ADRB1: variants seen among roughly 807,000 people sequenced by gnomAD.
ADRB1 encodes the protein adrenoceptor beta 1, also known as beta-1 adrenergic receptor.
For missense variants in ADRB1, 635 were observed against 709.1 expected (o/e 0.90, Z 1.19); for synonymous variants, 365 against 347.2 (o/e 1.05, Z -0.57).
At position 114,045,469 on chromosome 10, in the gene ADRB1, A is replaced by C; in HGVS notation, c.1337A>C (p.Glu446Ala). The C allele has an allele frequency of 1.6e-6, 2 of 1,262,894 alleles. No individual in the cohort carries two copies. Among genetic ancestry groups the C allele is most frequent in the South Asian group, 6.6e-5 (2 of 30,236 alleles). 78.2% of individuals were successfully genotyped at this position (1,262,894 alleles called of 1,614,324 possible). A position where few individuals can be genotyped will look rare whatever the true frequency, so the allele number is the denominator to read the frequency against. Residue 446 changes from glutamate (E) to alanine (A), a missense_variant, in exon 1 of 1, where the codon GAG becomes GCG. Glu to Ala is a moderately radical substitution (Grantham distance 107). Coordinates refer to ENST00000369295, the MANE Select transcript of ADRB1 (RefSeq NM_000684.3). ...VGATPPARLL[E>A]PWAGCNGGAA... Reference sequence around the variant, plus strand: ...GCCACGCCGCCCGCGCGCCTGCTGGAGCCCTGGGCCGGCTGCAACGGCGGG... The same window carrying C: ...GCCACGCCGCCCGCGCGCCTGCTGGCGCCCTGGGCCGGCTGCAACGGCGGG...
Position 114,044,926 on chromosome 10 carries a change from TC to T in ADRB1, c.796del (p.Leu266SerfsTer81). The T allele has an allele frequency of 6.4e-7, 1 of 1,572,534 alleles. No homozygotes were observed. Among genetic ancestry groups the T allele is most frequent in the Non-Finnish European group, 8.6e-7 (1 of 1,158,244 alleles). ...VKKIDSCERR[F>X]LGGPARPPSP... ...AAGATCGACAGCTGCGAGCGCCGTTTCCTCGGCGGCCCAGCGCGGCCGCCCT... is the reference window on the plus strand; with the variant it reads ...AAGATCGACAGCTGCGAGCGCCGTTTCTCGGCGGCCCAGCGCGGCCGCCCT... On this transcript the variant is annotated frameshift_variant, in exon 1 of 1. Coordinates refer to ENST00000369295, the MANE Select transcript of ADRB1 (RefSeq NM_000684.3). LOFTEE classifies it low-confidence loss of function (END_TRUNC). The surrounding 1 kb of genome is among the most constrained non-coding windows in gnomAD (Gnocchi z 7.8).
rs746407681 is a variant in ADRB1 at position 114,045,347 on chromosome 10, C to T, written c.1215C>T (p.His405=). Residue 405 remains histidine, a synonymous_variant, in exon 1 of 1, where the codon CAC becomes CAT. Transcript: ENST00000369295. ...RRAARRRHAT[H]GDRPRASGCL... ...CTGCCCGCCGGCGCCACGCGACCCA[C>T]GGAGACCGGCCGCGCGCCTCGGGCT... 6 of 1,477,008 alleles carry T rather than the reference C, an allele frequency of 4.1e-6. No homozygotes were observed. The African/African-American group carries it at 8.7e-5, about 21-fold the overall frequency. 91.5% of individuals were successfully genotyped at this position (1,477,008 alleles called of 1,614,324 possible).
rs1294112111 is a variant in ADRB1 at position 114,043,903 on chromosome 10, G to C, written c.-230G>C. 6.6e-6 allele frequency among the ~76,000 whole-genome samples: 1 copy of C among 151,678 alleles called. No homozygotes were observed. The highest frequency in any genetic ancestry group is 1.5e-5 in the Non-Finnish European group (1 of 67,850). On this transcript the variant is annotated 5_prime_UTR_variant, in exon 1 of 1. Transcript: ENST00000369295. ...AAGTCCCGGCGGCTCTTCCAGCAGCGGCAGCGGCTCCAGCAGCAGCGGCGG... is the reference window on the plus strand; with the variant it reads ...AAGTCCCGGCGGCTCTTCCAGCAGCCGCAGCGGCTCCAGCAGCAGCGGCGG...
Position 114,045,797 on chromosome 10 carries a change from C to CTTTTT in ADRB1, c.*233_*234insTTTTT, listed in dbSNP as rs1400945012. ...TTTTTTTTCTTTTCTTTTCTTTCTTCTTCTTTTTTTTTTTTTTTTTTTTTT... is the reference window on the plus strand; with the variant it reads ...TTTTTTTTCTTTTCTTTTCTTTCTTCTTTTTTTCTTTTTTTTTTTTTTTTTTTTTT... On this transcript the variant is annotated 3_prime_UTR_variant, in exon 1 of 1. Coordinates refer to ENST00000369295, the MANE Select transcript of ADRB1 (RefSeq NM_000684.3). 241 of 180,630 alleles carry CTTTTT rather than the reference C, an allele frequency of 1.3e-3. 5 individuals are homozygous for CTTTTT. Among genetic ancestry groups the CTTTTT allele is most frequent in the African/African-American group, 3.6e-3 (86 of 23,806 alleles). 11.2% of individuals were successfully genotyped at this position (180,630 alleles called of 1,614,324 possible).
Position 114,045,426 on chromosome 10 carries a change from G to C in ADRB1, c.1294G>C (p.Asp432His), listed in dbSNP as rs1192784817. ...GCCCGGGGCCGCCTCGGACGACGAC[G>C]ACGACGATGTCGTCGGGGCCACGCC... Reference protein sequence around the residue: ...PSPGAASDDDDDDVVGATPPA... With the variant: ...PSPGAASDDDHDDVVGATPPA... Residue 432 changes from aspartate to histidine, a missense_variant, in exon 1 of 1, where the codon GAC (aspartate) becomes CAC (histidine). Physicochemically the swap from Asp to His is moderately conservative, Grantham distance 81 (BLOSUM62 -1). Coordinates refer to ENST00000369295, the MANE Select transcript of ADRB1 (RefSeq NM_000684.3). 10 of 1,242,340 alleles carry C rather than the reference G, an allele frequency of 8.0e-6. No homozygotes were observed. The East Asian group carries it at 3.3e-4, about 40-fold the overall frequency. The allele number at this position is 1,242,340 out of a possible 1,614,324, so 77.0% of individuals were successfully genotyped here.
chr10:114,045,515 G>C lies in ADRB1; in HGVS notation c.1383G>C (p.Ser461=), dbSNP rs911059128. The change falls in exon 1 of 1, where the codon TCG becomes TCC. Residue 461 remains serine, a synonymous_variant. Coordinates refer to ENST00000369295, the MANE Select transcript of ADRB1 (RefSeq NM_000684.3). ...GCGGGGCGGCGGCGGACAGCGACTC[G>C]AGCCTGGACGAGCCGTGCCGCCCCG... ...CNGGAAADSD[S]SLDEPCRPGF... 6.9e-6 allele frequency: 9 copies of C among 1,296,702 alleles called. No individual in the cohort carries two copies. The highest frequency in any genetic ancestry group is 5.2e-4 in the Middle Eastern group (2 of 3,870). 80.3% of individuals were successfully genotyped at this position (1,296,702 alleles called of 1,614,324 possible).
chr10:114,044,028 G>A lies in ADRB1; in HGVS notation c.-105G>A, dbSNP rs921413698. On this transcript the variant is annotated 5_prime_UTR_variant, in exon 1 of 1. Transcript: ENST00000369295. This position sits in a 1 kb window ranked among gnomAD's most constrained non-coding sequence, Gnocchi z 7.8. ...CCCCGCGCCGCGGCTGCCCTGACCC[G>A]GCCGCGACCTCCCTCTGCGCACCAC... The A allele has an allele frequency of 1.2e-5, 12 of 962,826 alleles. No homozygotes were observed. In the African/African-American group the frequency reaches 1.7e-4, roughly 14 times the overall value. 59.6% of individuals were successfully genotyped at this position (962,826 alleles called of 1,614,324 possible).
Position 114,043,974 on chromosome 10 carries a change from G to A in ADRB1, c.-159G>A. ...GCAGCGACAGCGCTCGGCTCCTGCG[G>A]GAAAGGCGCCCGGCGCCCATGCCTC... On this transcript the variant is annotated 5_prime_UTR_variant, in exon 1 of 1. Transcript: ENST00000369295. 2 of 466,816 alleles carry A rather than the reference G, an allele frequency of 4.3e-6. No homozygotes were observed. The highest frequency in any genetic ancestry group is 6.2e-6 in the Non-Finnish European group (2 of 321,020). The allele number at this position is 466,816 out of a possible 1,614,324, so 28.9% of individuals were successfully genotyped here.
chr10:114,044,988 C>CGT lies in ADRB1; in HGVS notation c.856_857insGT (p.Pro286ArgfsTer62). On this transcript the variant is annotated frameshift_variant, in exon 1 of 1. Coordinates refer to ENST00000369295, the MANE Select transcript of ADRB1 (RefSeq NM_000684.3). LOFTEE classifies it low-confidence loss of function (END_TRUNC). The surrounding 1 kb of genome is among the most constrained non-coding windows in gnomAD (Gnocchi z 7.8). ...CTCGCCCGTCCCCGCGCCCGCGCCGCCGCCCGGACCCCCGCGCCCCGCCGC... is the reference window on the plus strand; with the variant it reads ...CTCGCCCGTCCCCGCGCCCGCGCCGCGTCGCCCGGACCCCCGCGCCCCGCCGC... 9.2e-7 allele frequency: 1 copy of CGT among 1,082,788 alleles called. No individual in the cohort carries two copies. Among genetic ancestry groups the CGT allele is most frequent in the Non-Finnish European group, 1.1e-6 (1 of 891,764 alleles). The allele number at this position is 1,082,788 out of a possible 1,614,324, so 67.1% of individuals were successfully genotyped here. A position where few individuals can be genotyped will look rare whatever the true frequency, so the allele number is the denominator to read the frequency against.
Position 114,044,255 on chromosome 10 carries a change from G to C in ADRB1, c.123G>C (p.Ser41=), listed in dbSNP as rs368596680. Residue 41 remains serine (S), a synonymous_variant, in exon 1 of 1, where the codon TCG becomes TCC. Transcript: ENST00000369295. The surrounding 1 kb of genome is among the most constrained non-coding windows in gnomAD (Gnocchi z 7.8). ...RLLVPASPPA[S]LLPPASESPE... ...TGGTGCCCGCGTCGCCGCCCGCCTC[G>C]TTGCTGCCTCCCGCCAGCGAAAGCC... 7 of 1,493,286 alleles carry C rather than the reference G, an allele frequency of 4.7e-6. No homozygotes were observed. In the African/African-American group the frequency reaches 5.8e-5, roughly 12 times the overall value. The allele number at this position is 1,493,286 out of a possible 1,614,324, so 92.5% of individuals were successfully genotyped here.
In ADRB1 at chr10:114,043,921, A is replaced by AGCG. The variant is rs1014758367; in HGVS notation, c.-191_-189dup. On this transcript the variant is annotated 5_prime_UTR_variant, in exon 1 of 1. Transcript: ENST00000369295. ...CAGCAGCGGCAGCGGCTCCAGCAGCAGCGGCGGCGGCGGCGGCGGCGGCAG... is the reference window on the plus strand; with the variant it reads ...CAGCAGCGGCAGCGGCTCCAGCAGCAGCGGCGGCGGCGGCGGCGGCGGCGGCAG... 448 of 233,676 alleles carry AGCG rather than the reference A, an allele frequency of 1.9e-3. 2 individuals are homozygous for AGCG. The highest frequency in any genetic ancestry group is 0.011 in the Middle Eastern group (7 of 632). 14.5% of individuals were successfully genotyped at this position (233,676 alleles called of 1,614,324 possible). A position where few individuals can be genotyped will look rare whatever the true frequency, so the allele number is the denominator to read the frequency against.
Position 114,044,201 on chromosome 10 carries a change from C to A in ADRB1, c.69C>A (p.Pro23=). ...PGNLSSAAPL[P]DGAATAARLL... is the part of the protein sequence containing the mutation. Reference sequence around the variant, plus strand: ...ACCTGTCGTCGGCCGCACCGCTCCCCGACGGCGCGGCCACCGCGGCGCGGC... The same window carrying A: ...ACCTGTCGTCGGCCGCACCGCTCCCAGACGGCGCGGCCACCGCGGCGCGGC... Residue 23 remains proline (P), a synonymous_variant, in exon 1 of 1, where the codon CCC becomes CCA. Coordinates refer to ENST00000369295, the MANE Select transcript of ADRB1 (RefSeq NM_000684.3). The surrounding 1 kb of genome is among the most constrained non-coding windows in gnomAD (Gnocchi z 7.8). 1.4e-6 allele frequency: 2 copies of A among 1,391,494 alleles called. No individual in the cohort carries two copies. The highest frequency in any genetic ancestry group is 1.8e-6 in the Non-Finnish European group (2 of 1,085,908). The allele number at this position is 1,391,494 out of a possible 1,614,324, so 86.2% of individuals were successfully genotyped here. A position where few individuals can be genotyped will look rare whatever the true frequency, so the allele number is the denominator to read the frequency against.
chr10:114,044,976 G>GCGCCCGCGCCGCCGCCCGGA lies in ADRB1; in HGVS notation c.846_865dup (p.Pro289ArgfsTer65). ...CTCGCCCTCGCCCTCGCCCGTCCCC[G>GCGCCCGCGCCGCCGCCCGGA]CGCCCGCGCCGCCGCCCGGACCCCC... is the stretch of plus-strand genomic sequence containing the variant. On this transcript the variant is annotated frameshift_variant, in exon 1 of 1. Coordinates refer to ENST00000369295, the MANE Select transcript of ADRB1 (RefSeq NM_000684.3). LOFTEE classifies it low-confidence loss of function (END_TRUNC). This position sits in a 1 kb window ranked among gnomAD's most constrained non-coding sequence, Gnocchi z 7.8. 8.8e-7 allele frequency: 1 copy of GCGCCCGCGCCGCCGCCCGGA among 1,134,160 alleles called. No individual in the cohort carries two copies. Among genetic ancestry groups the GCGCCCGCGCCGCCGCCCGGA allele is most frequent in the Non-Finnish European group, 1.1e-6 (1 of 921,472 alleles). 70.3% of individuals were successfully genotyped at this position (1,134,160 alleles called of 1,614,324 possible). A position where few individuals can be genotyped will look rare whatever the true frequency, so the allele number is the denominator to read the frequency against.
rs1217942211 is a variant in ADRB1, at chr10:114,044,186, G to T, written c.54G>T (p.Ser18=). The part of the protein sequence containing the change: ...LGASEPGNLS[S]AAPLPDGAAT... The stretch of plus-strand genomic sequence containing the variant: ...CCTCCGAGCCCGGTAACCTGTCGTC[G>T]GCCGCACCGCTCCCCGACGGCGCGG... The change falls in exon 1 of 1, where the codon TCG becomes TCT. Residue 18 remains serine (S), a synonymous_variant. Transcript: ENST00000369295. This position sits in a 1 kb window ranked among gnomAD's most constrained non-coding sequence, Gnocchi z 7.8. 36 of 1,371,272 alleles carry T rather than the reference G, an allele frequency of 2.6e-5. No individual in the cohort carries two copies. The highest frequency in any genetic ancestry group is 3.5e-5 in the South Asian group (2 of 57,184). The allele number at this position is 1,371,272 out of a possible 1,614,324, so 84.9% of individuals were successfully genotyped here.
At position 114,044,819 on chromosome 10, in the gene ADRB1, C is replaced by T. The variant is rs759304992; in HGVS notation, c.687C>T (p.Ser229=). 5 of 1,613,880 alleles carry T rather than the reference C, an allele frequency of 3.1e-6. No homozygotes were observed. The highest frequency in any genetic ancestry group is 4.5e-5 in the East Asian group (2 of 44,866). The change falls in exon 1 of 1, where the codon TCC becomes TCT. Residue 229 remains serine (S), a synonymous_variant. Transcript: ENST00000369295. The surrounding 1 kb of genome is among the most constrained non-coding windows in gnomAD (Gnocchi z 7.8). ...ACCGGGCCTACGCCATCGCCTCGTC[C>T]GTAGTCTCCTTCTACGTGCCCCTGT... ...VTNRAYAIAS[S]VVSFYVPLCI... is the part of the protein sequence containing the mutation.
rs1408950501 is a variant in ADRB1 at position 114,044,780 on chromosome 10, C to A, written c.648C>A (p.Cys216Ter). 6.2e-7 allele frequency: 1 copy of A among 1,613,598 alleles called. No individual in the cohort carries two copies. The highest frequency in any genetic ancestry group is 2.2e-5 in the East Asian group (1 of 44,870). The change falls in exon 1 of 1, where the codon TGC becomes TGA. Residue 216 changes from cysteine to a stop codon, truncating the protein, a stop_gained. Coordinates refer to ENST00000369295, the MANE Select transcript of ADRB1 (RefSeq NM_000684.3). LOFTEE classifies it low-confidence loss of function (END_TRUNC). The surrounding 1 kb of genome is among the most constrained non-coding windows in gnomAD (Gnocchi z 7.8). ...ARRCYNDPKC[C>*]DFVTNRAYAI... ...GCTGCTACAACGACCCCAAGTGCTG[C>A]GACTTCGTCACCAACCGGGCCTACG... is the stretch of plus-strand genomic sequence containing the variant.
rs1024074055 is a variant in ADRB1, at chr10:114,045,398, A to T, written c.1266A>T (p.Pro422=). The T allele has an allele frequency of 4.8e-6, 6 of 1,244,902 alleles. No homozygotes were observed. The highest frequency in any genetic ancestry group is 4.3e-5 in the Admixed American group (1 of 23,168). 77.1% of individuals were successfully genotyped at this position (1,244,902 alleles called of 1,614,324 possible). ...GTCTGGCCCGGCCCGGACCCCCGCC[A>T]TCGCCCGGGGCCGCCTCGGACGACG... The part of the protein sequence containing the change: ...SGCLARPGPP[P]SPGAASDDDD... Residue 422 remains proline, a synonymous_variant, in exon 1 of 1, where the codon CCA becomes CCT. Transcript: ENST00000369295.
rs1324957391 is a variant in ADRB1 at position 114,046,688 on chromosome 10, T to C, written c.*1122T>C. On this transcript the variant is annotated 3_prime_UTR_variant, in exon 1 of 1. Coordinates refer to ENST00000369295, the MANE Select transcript of ADRB1 (RefSeq NM_000684.3). Reference sequence around the variant, plus strand: ...AATACCTTTTTATACTCCTTTATCATGGTACTGTAACTGTATCCATATTAT... The same window carrying C: ...AATACCTTTTTATACTCCTTTATCACGGTACTGTAACTGTATCCATATTAT... The C allele has an allele frequency of 1.2e-5, 2 of 167,070 alleles. No individual in the cohort carries two copies. The highest frequency in any genetic ancestry group is 2.9e-5 in the Non-Finnish European group (2 of 68,132). 10.3% of individuals were successfully genotyped at this position (167,070 alleles called of 1,614,324 possible). A position where few individuals can be genotyped will look rare whatever the true frequency, so the allele number is the denominator to read the frequency against.
At position 114,045,670 on chromosome 10, in the gene ADRB1, C is replaced by A; in HGVS notation, c.*104C>A. The A allele has an allele frequency of 9.0e-7, 1 of 1,111,188 alleles. No homozygotes were observed. The highest frequency in any genetic ancestry group is 1.2e-6 in the Non-Finnish European group (1 of 866,922). 68.8% of individuals were successfully genotyped at this position (1,111,188 alleles called of 1,614,324 possible). A position where few individuals can be genotyped will look rare whatever the true frequency, so the allele number is the denominator to read the frequency against. On this transcript the variant is annotated 3_prime_UTR_variant, in exon 1 of 1. Coordinates refer to ENST00000369295, the MANE Select transcript of ADRB1 (RefSeq NM_000684.3). Reference sequence around the variant, plus strand: ...AGGTGAACTCGAAGCCCACAATCCTCGTCTGAATCATCCGAGGCAAAGAGA... The same window carrying A: ...AGGTGAACTCGAAGCCCACAATCCTAGTCTGAATCATCCGAGGCAAAGAGA...
Sources: gnomAD v4.1 joint callset for allele counts (sites outside exome capture counted in the v4.1 genomes callset) on GRCh38, gnomAD v4.1.1 for gene constraint, Gnocchi (gnomAD v3.1) non-coding constraint, MANE v1.5 for transcripts, NCBI Gene and HGNC (gene_info 2026-07-23, HGNC 2026-07-21) for gene names.